The following C3orf33 variants were observed in gnomAD, a reference collection of about 807,000 sequenced individuals.
C3orf33 encodes mitochondrial inner membrane subdomain organizer 1.
A neutral mutation model predicts 28.7 loss-of-function variants in C3orf33; 23 were observed. That is an observed-to-expected ratio of 0.80 (90% confidence interval 0.58 to 1.13). The LOEUF is 1.13. Ranked by LOEUF, C3orf33 falls within the 50% of genes most tolerant of loss-of-function variation. The pLI, the probability that C3orf33 is intolerant of heterozygous loss-of-function variation, is 0.00. For synonymous variants in C3orf33, 119 were observed against 120.5 expected (o/e 0.99, Z 0.08); for missense variants, 327 against 353.4 (o/e 0.93, Z 0.60).
At chr3:155,803,731 A>ATT (rs1433925357) in intron 1 of C3orf33, among the ~76,000 whole-genome samples, 6 of 149,970 alleles carry the variant, frequency 4.0e-5, no homozygotes, top group East Asian at 2.0e-4. Context: ...AAATACAAAA[A>ATT]ACTAGCTGGA....
intron 2 of C3orf33, among the ~76,000 whole-genome samples, chr3:155,779,527 T>G (rs1750853823): frequency 6.6e-6 from 1 of 152,138 alleles, no homozygotes; most frequent in Admixed American, 6.6e-5. Context: ...ACTCCTGACC[T>G]CATGTGATCC....
chr3:155,776,298 A>AT (rs553690972), intron 2 of C3orf33, among the ~76,000 whole-genome samples: 8 of 152,212 alleles, frequency 5.3e-5, no homozygotes, highest in Admixed American at 3.9e-4. Flanking sequence ...TTTTACTATC[A>AT]TTTTTTTATC....
chr3:155,776,912 C>A (rs17508438), intron 2 of C3orf33, among the ~76,000 whole-genome samples: 2,417 of 151,132 alleles, frequency 0.016, 29 homozygotes, highest in South Asian at 0.041. Context: ...GTTTTCCCAA[C>A]AAATCAATGG....
chr3:155,770,962 C>CTGTGTGTGTGTGTGTG (rs3068982), intron 3 of C3orf33, among the ~76,000 whole-genome samples: 1,302 of 129,978 alleles, frequency 0.01, 32 homozygotes, highest in African/African-American at 0.022. Context: ...GCATGAACCA[C>CTGTGTGTGTGTGTGTG]TGTGTGTGTG....
chr3:155,803,599 G>C (rs1418246395), intron 1 of C3orf33, among the ~76,000 whole-genome samples: 1 of 145,692 alleles, frequency 6.9e-6, no homozygotes, highest in African/African-American at 2.5e-5. Context: ...ATGAGATTGA[G>C]GCCAGGTGTG....
At chr3:155,780,465 G>A (rs1750884048) in intron 2 of C3orf33, among the ~76,000 whole-genome samples, 1 of 152,158 alleles carries the variant, frequency 6.6e-6, no homozygotes, top group Non-Finnish European at 1.5e-5. Flanking sequence ...ATTATTATAA[G>A]CATTAAATGA....
chr3:155,788,066 C>T (rs1240146939), intron 2 of C3orf33, among the ~76,000 whole-genome samples: 1 of 151,908 alleles, frequency 6.6e-6, no homozygotes, highest in African/African-American at 2.4e-5. Context: ...TGGCGGGCGC[C>T]TGTAGTCCCA....
chr3:155,782,190 T>C (rs543824881), intron 2 of C3orf33, among the ~76,000 whole-genome samples: 9 of 145,064 alleles, frequency 6.2e-5, no homozygotes, highest in Non-Finnish European at 1.2e-4. Context: ...AAAGATAAAT[T>C]ATTGAGTCTG....
chr3:155,788,190 C>CAA (rs368311178), intron 2 of C3orf33, among the ~76,000 whole-genome samples: 34 of 134,374 alleles, frequency 2.5e-4, no homozygotes, highest in Admixed American at 3.7e-4. Context: ...GACTCCGTCT[C>CAA]AAAAAAAAAA....
At chr3:155,796,361 C>T (rs1577436167) in intron 2 of C3orf33, among the ~76,000 whole-genome samples, 1 of 152,026 alleles carries the variant, frequency 6.6e-6, no homozygotes, top group Non-Finnish European at 1.5e-5. Context: ...TTAGAGGCTA[C>T]TATGAACAAC....
Position 155,767,509 on chromosome 3 carries a change from C to A in C3orf33, c.483G>T (p.Lys161Asn), listed in dbSNP as rs1473349506. The part of the protein sequence containing the change: ...SALFCYLLVS[K>N]GGYFSVNLNE... Reference sequence around the variant, plus strand: ...CTAGTTATTTCTTCACATTGCTTACCTTACTCACCAGAAGATAGCAAAAGA... The same window carrying A: ...CTAGTTATTTCTTCACATTGCTTACATTACTCACCAGAAGATAGCAAAAGA... Residue 161 changes from lysine to asparagine, a missense_variant and splice_region_variant, in exon 4 of 5, where the codon AAG becomes AAT. Transcript: ENST00000340171. 1.3e-6 allele frequency: 2 copies of A among 1,536,626 alleles called. No individual in the cohort carries two copies. The highest frequency in any genetic ancestry group is 1.3e-5 in the South Asian group (1 of 78,632).
intron 3 of C3orf33, among the ~76,000 whole-genome samples, chr3:155,770,038 TA>T (rs1750534053): frequency 6.6e-6 from 1 of 152,130 alleles, no homozygotes; most frequent in Admixed American, 6.5e-5. Flanking sequence ...ATTCTGAGCC[TA>T]AAAAGCCCCA....
At chr3:155,780,016 G>A (rs375353629) in intron 2 of C3orf33, among the ~76,000 whole-genome samples, 177 of 152,264 alleles carry the variant, frequency 1.2e-3, no homozygotes, top group African/African-American at 3.8e-3. Flanking sequence ...GGGACTATTT[G>A]GAAGACGAAC....
At chr3:155,796,675 G>T (rs947161456) in intron 2 of C3orf33, among the ~76,000 whole-genome samples, 5 of 152,078 alleles carry the variant, frequency 3.3e-5, no homozygotes, top group African/African-American at 4.8e-5. Context: ...ATTCTACAAG[G>T]CTAGTATTAC....
intron 2 of C3orf33, among the ~76,000 whole-genome samples, chr3:155,800,541 T>C (rs938942609): frequency 2.3e-5 from 3 of 132,914 alleles, no homozygotes; most frequent in Non-Finnish European, 4.6e-5. Context: ...GGCTAAGAGG[T>C]TGAGGCTGCA....
At position 155,763,845 on chromosome 3, in the gene C3orf33, C is replaced by A; in HGVS notation, c.557G>T (p.Gly186Val). The A allele has an allele frequency of 3.2e-6, 5 of 1,552,306 alleles. No homozygotes were observed. Among genetic ancestry groups the A allele is most frequent in the Non-Finnish European group, 4.3e-6 (5 of 1,156,822 alleles). ...GTAGATTTTAGAATCATATTTAAGC[C>A]CTTTAACAAGAACAGTTTTGCCAAG... is the stretch of plus-strand genomic sequence containing the variant. ...RGLGKTVLVKGLKYDSKIYWT... is the reference protein window; with the variant it reads ...RGLGKTVLVKVLKYDSKIYWT... The change falls in exon 5 of 5, where the codon GGG becomes GTG. Residue 186 changes from glycine to valine, a missense_variant. Transcript: ENST00000340171.
intron 2 of C3orf33, among the ~76,000 whole-genome samples, chr3:155,780,483 T>A (rs754507560): frequency 6.6e-6 from 1 of 152,246 alleles, no homozygotes; most frequent in Non-Finnish European, 1.5e-5. Flanking sequence ...TGAAATTATG[T>A]TTATAAAGTG....
intron 2 of C3orf33, among the ~76,000 whole-genome samples, chr3:155,787,527 A>AT (rs1405247752): frequency 6.7e-4 from 101 of 150,950 alleles, no homozygotes; most frequent in African/African-American, 2.3e-3. Context: ...AAGTTTTTGT[A>AT]TTTTAGTAGA....
intron 2 of C3orf33, among the ~76,000 whole-genome samples, chr3:155,793,839 A>G (rs1054811714): frequency 2.7e-5 from 4 of 146,532 alleles, no homozygotes; most frequent in Admixed American, 7.0e-5. Flanking sequence ...TAAAAAAACT[A>G]AAAAAACTAA....
Sources: gnomAD v4.1 joint callset for allele counts (sites outside exome capture counted in the v4.1 genomes callset) on GRCh38, gnomAD v4.1.1 for gene constraint, MANE v1.5 for transcripts, NCBI Gene and HGNC (gene_info 2026-07-23, HGNC 2026-07-21) for gene names.